Variants in SLC39A11 observed in about 807,000 individuals in gnomAD.
SLC39A11 encodes zinc transporter ZIP11.
SLC39A11 carries 33 observed loss-of-function variants against 36.1 expected under a neutral mutation model. The observed-to-expected ratio is 0.91, with a 90% CI of 0.69 to 1.22. The LOEUF is 1.22. Ranked by LOEUF, SLC39A11 falls within the 50% of genes most tolerant of loss-of-function variation. SLC39A11 has a pLI of 0.00. For synonymous variants in SLC39A11, 166 were observed against 170.3 expected (o/e 0.97, Z 0.20); for missense variants, 432 against 430.3 (o/e 1.00, Z -0.03).
chr17:72,796,495 AG>A (rs2076899687), intron 6 of SLC39A11, among the ~76,000 whole-genome samples: 1 of 152,162 alleles, frequency 6.6e-6, no homozygotes, highest in South Asian at 2.1e-4. Flanking sequence ...TCAACCACAC[AG>A]CAGTCTGAGC....
At chr17:72,994,137 C>A (rs2089356098) in intron 4 of SLC39A11, among the ~76,000 whole-genome samples, 1 of 152,158 alleles carries the variant, frequency 6.6e-6, no homozygotes, top group Non-Finnish European at 1.5e-5. Flanking sequence ...TGCAGTATTT[C>A]ATTTGCTTCA....
intron 6 of SLC39A11, among the ~76,000 whole-genome samples, chr17:72,773,280 G>T (rs1435153067): frequency 6.6e-6 from 1 of 152,040 alleles, no homozygotes; most frequent in African/African-American, 2.4e-5. Context: ...ACATGGTTTG[G>T]CTGTGTCCCC....
At chr17:73,053,936 C>T (rs940202155) in intron 3 of SLC39A11, among the ~76,000 whole-genome samples, 3 of 152,218 alleles carry the variant, frequency 2.0e-5, no homozygotes, top group African/African-American at 2.4e-5. Context: ...GACTGATTTC[C>T]GTATAGACTC....
At chr17:72,710,481 C>T (rs574768044) in intron 7 of SLC39A11, among the ~76,000 whole-genome samples, 17 of 152,310 alleles carry the variant, frequency 1.1e-4, no homozygotes, top group African/African-American at 3.8e-4. Flanking sequence ...TTGAAGGGAA[C>T]ACCCAAGTCT....
chr17:72,837,577 T>C (rs1598933313), intron 6 of SLC39A11, among the ~76,000 whole-genome samples: 2 of 152,054 alleles, frequency 1.3e-5, no homozygotes, highest in South Asian at 2.1e-4. Flanking sequence ...CACAGGTCCA[T>C]ACAAAGACAT....
At chr17:72,980,869 C>T (rs1007595939) in intron 4 of SLC39A11, among the ~76,000 whole-genome samples, 1 of 151,876 alleles carries the variant, frequency 6.6e-6, no homozygotes, top group African/African-American at 2.4e-5. Flanking sequence ...ACTAAAAATA[C>T]AAAAATTAGC....
At chr17:72,811,722 GA>G (rs769856815) in intron 6 of SLC39A11, among the ~76,000 whole-genome samples, 24 of 152,166 alleles carry the variant, frequency 1.6e-4, no homozygotes, top group Non-Finnish European at 2.8e-4. Context: ...GTCCACTTGG[GA>G]AAAGTTTGTT....
intron 5 of SLC39A11, among the ~76,000 whole-genome samples, chr17:72,923,107 A>G (rs902511978): frequency 2.0e-5 from 3 of 151,668 alleles, no homozygotes; most frequent in African/African-American, 7.3e-5. Flanking sequence ...TCTATCTAAC[A>G]CTGAACAAGC....
chr17:72,714,801 G>A (rs896198674), intron 7 of SLC39A11, among the ~76,000 whole-genome samples: 12 of 152,176 alleles, frequency 7.9e-5, no homozygotes, highest in African/African-American at 2.7e-4. Context: ...CACCTCCTGT[G>A]GACTGCCCTG....
chr17:72,959,747 A>T (rs1456408758), intron 4 of SLC39A11, among the ~76,000 whole-genome samples: 1 of 152,174 alleles, frequency 6.6e-6, no homozygotes, highest in Non-Finnish European at 1.5e-5. Context: ...ACTAATATTG[A>T]GAACCTAACA....
chr17:72,674,486 A>G (rs2071165541), intron 7 of SLC39A11, among the ~76,000 whole-genome samples: 1 of 152,136 alleles, frequency 6.6e-6, no homozygotes, highest in African/African-American at 2.4e-5. Flanking sequence ...TTGCAATTAC[A>G]ATGTTGTAAT....
intron 5 of SLC39A11, among the ~76,000 whole-genome samples, chr17:72,933,693 T>C (rs1289095258): frequency 6.6e-6 from 1 of 152,130 alleles, no homozygotes; most frequent in Admixed American, 6.6e-5. Context: ...CTAAGTTTTG[T>C]ATTTTTAGTA....
chr17:73,056,459 G>A (rs1217593676), intron 3 of SLC39A11, among the ~76,000 whole-genome samples: 6 of 152,098 alleles, frequency 3.9e-5, no homozygotes, highest in African/African-American at 9.7e-5. Flanking sequence ...ATGAGCCACC[G>A]CACCCGGCTG....
chr17:72,866,973 T>C (rs910736330), intron 5 of SLC39A11, among the ~76,000 whole-genome samples: 1 of 152,136 alleles, frequency 6.6e-6, no homozygotes, highest in Admixed American at 6.6e-5. Context: ...TGAGCAAAGA[T>C]ATTAGCAAAA....
intron 4 of SLC39A11, among the ~76,000 whole-genome samples, chr17:73,008,324 G>A (rs1427958628): frequency 2.6e-5 from 4 of 152,074 alleles, no homozygotes. Context: ...AGATTATTCT[G>A]GCTATTTCCT....
At chr17:72,680,782 G>T (rs1432365918) in intron 7 of SLC39A11, among the ~76,000 whole-genome samples, 1 of 152,148 alleles carries the variant, frequency 6.6e-6, no homozygotes, top group Non-Finnish European at 1.5e-5. Flanking sequence ...TCATGTATTT[G>T]TATCAGTACT....
chr17:72,877,552 C>T (rs1176827451), intron 5 of SLC39A11, among the ~76,000 whole-genome samples: 18 of 152,128 alleles, frequency 1.2e-4, no homozygotes, highest in Admixed American at 1.2e-3. Context: ...TACTTTTCCC[C>T]CCATTTGCTC....
At chr17:72,750,075 G>C (rs2075095021) in intron 6 of SLC39A11, among the ~76,000 whole-genome samples, 2 of 152,206 alleles carry the variant, frequency 1.3e-5, no homozygotes, top group South Asian at 4.1e-4. Context: ...GCACAAGCCA[G>C]ATGGGTCGAG....
intron 4 of SLC39A11, among the ~76,000 whole-genome samples, chr17:72,975,629 T>C (rs2087788588): frequency 6.6e-6 from 1 of 152,156 alleles, no homozygotes. Context: ...GAGAAATAAA[T>C]GTCTGTTGTC....
Sources: allele counts gnomAD v4.1 joint callset (sites outside exome capture counted in the v4.1 genomes callset), GRCh38; gene constraint gnomAD v4.1.1; transcripts MANE v1.5; gene names NCBI Gene and HGNC (gene_info 2026-07-23, HGNC 2026-07-21).